Variants in MTFR1 observed in about 807,000 individuals in gnomAD.
MTFR1 encodes mitochondrial fission regulator 1, also known as chondrocyte protein with a poly-proline region.
MTFR1 carries 28 observed loss-of-function variants against 38.8 expected under a neutral mutation model. The ratio of observed to expected loss-of-function variants is 0.72; its 90% CI spans 0.53 to 0.99. The LOEUF (loss-of-function observed/expected upper bound fraction) is 0.99. Ranked by LOEUF, MTFR1 falls within the 50% of genes least tolerant of loss-of-function variation. The pLI is 0.00. For synonymous variants in MTFR1, 145 were observed against 137.0 expected, an observed-to-expected ratio of 1.06 and a Z score of -0.41; for missense variants, 358 against 395.5, an observed-to-expected ratio of 0.91 and a Z score of 0.81.
intron 3 of MTFR1, among the ~76,000 whole-genome samples, chr8:65,743,119 A>G (rs1359196477): frequency 1.3e-5 from 2 of 151,798 alleles, no homozygotes; most frequent in Non-Finnish European, 2.9e-5. Context: ...ATAATAGGCT[A>G]TGAGCTGTGA....
At chr8:65,682,134 T>C (rs1322740334) in intron 2 of MTFR1, 2 of 225,934 alleles carry the variant, frequency 8.9e-6, no homozygotes, top group African/African-American at 4.6e-5. Context: ...TATAATACTT[T>C]ACATTAAACT....
rs1375987751 is a variant in MTFR1 at position 65,668,291 on chromosome 8, C to T, written c.-80-1582C>T. ...CTCCCGGGATCAAGTGATTTTCCTG[C>T]CTCAGCCTCCTGAGTAGCTGGGATT... On this transcript the variant is annotated intron_variant, in intron 1 of 7. Transcript: ENST00000262146. 3.3e-5 allele frequency among the ~76,000 whole-genome samples: 5 copies of T among 150,592 alleles called. No individual in the cohort carries two copies. In the Admixed American group the frequency reaches 3.3e-4, roughly 10 times the overall value.
At chr8:65,743,573 C>G (rs1175100069) in intron 3 of MTFR1, among the ~76,000 whole-genome samples, 3 of 152,144 alleles carry the variant, frequency 2.0e-5, no homozygotes, top group Non-Finnish European at 2.9e-5. Context: ...AAGGTATAGA[C>G]AAAGGTATTT....
intron 1 of MTFR1, among the ~76,000 whole-genome samples, chr8:65,647,109 A>G (rs891564297): frequency 1.3e-5 from 2 of 152,178 alleles, no homozygotes; most frequent in Admixed American, 6.5e-5. Context: ...ATCTTACAGG[A>G]AGATAGATAC....
Position 65,707,052 on chromosome 8 carries a change from C to G in MTFR1, c.560C>G (p.Pro187Arg), listed in dbSNP as rs1805800219. 1 of 1,611,232 alleles carries G rather than the reference C, an allele frequency of 6.2e-7. No individual in the cohort carries two copies. The highest frequency in any genetic ancestry group is 8.5e-7 in the Non-Finnish European group (1 of 1,178,172). Reference protein sequence around the residue: ...STTFGTIPPHPPPPPPPLPPP... With the variant: ...STTFGTIPPHRPPPPPPLPPP... ...ACATTTGGTACCATACCACCACACCCTCCACCTCCCCCACCGCCCCTGCCT... is the reference window on the plus strand; with the variant it reads ...ACATTTGGTACCATACCACCACACCGTCCACCTCCCCCACCGCCCCTGCCT... The change falls in exon 6 of 8, where the codon CCT (proline) becomes CGT (arginine). Residue 187 changes from proline to arginine, a missense_variant. By Grantham distance (103) the Pro-to-Arg change is moderately radical. Transcript: ENST00000262146.
intron 3 of MTFR1, among the ~76,000 whole-genome samples, chr8:65,761,970 C>T (rs1054882851): frequency 6.6e-6 from 1 of 152,186 alleles, no homozygotes; most frequent in African/African-American, 2.4e-5. Flanking sequence ...AGGCCTTTAA[C>T]AGAAAAGCCT....
chr8:65,704,187 GT>G (rs1303435899), intron 4 of MTFR1, among the ~76,000 whole-genome samples: 1 of 152,106 alleles, frequency 6.6e-6, no homozygotes, highest in Non-Finnish European at 1.5e-5. Context: ...TAATTAAATT[GT>G]TTTGTCAAAG....
intron 3 of MTFR1, among the ~76,000 whole-genome samples, chr8:65,690,599 CTT>C (rs914005159): frequency 6.6e-6 from 1 of 152,108 alleles, no homozygotes; most frequent in Non-Finnish European, 1.5e-5. Flanking sequence ...CCTCCCCACA[CTT>C]TGTTTCCTTT....
chr8:65,747,226 A>T (rs1306976159), intron 3 of MTFR1, among the ~76,000 whole-genome samples: 7 of 152,152 alleles, frequency 4.6e-5, no homozygotes, highest in Non-Finnish European at 1.0e-4. Flanking sequence ...GAGAGACCTA[A>T]CTTTCTGTGC....
At chr8:65,707,594 C>CT (rs1805822683) in intron 6 of MTFR1, among the ~76,000 whole-genome samples, 1 of 152,210 alleles carries the variant, frequency 6.6e-6, no homozygotes. Flanking sequence ...ACAGGGAACT[C>CT]TATTTGCCCT....
chr8:65,680,899 C>CTTTTT (rs1199113408), intron 2 of MTFR1, among the ~76,000 whole-genome samples: 30 of 93,624 alleles, frequency 3.2e-4, no homozygotes, highest in Non-Finnish European at 3.8e-4. Context: ...AAGCAGTTCT[C>CTTTTT]TTTTTTTTTT....
chr8:65,677,768 A>G (rs897088851), intron 2 of MTFR1, among the ~76,000 whole-genome samples: 3 of 151,748 alleles, frequency 2.0e-5, no homozygotes, highest in Admixed American at 2.0e-4. Context: ...CTGTAATCCC[A>G]GCACTTTGGG....
intron 1 of MTFR1, among the ~76,000 whole-genome samples, chr8:65,664,357 A>G (rs867131127): frequency 1.1e-4 from 16 of 152,336 alleles, no homozygotes; most frequent in Middle Eastern, 3.4e-3. Flanking sequence ...TTTGTAAACA[A>G]CATGAATGAA....
At chr8:65,719,058 C>T in intron 2 of MTFR1, 1 of 551,940 alleles carries the variant, frequency 1.8e-6, no homozygotes. Flanking sequence ...CTGGGCTTTG[C>T]ATATTCAAGG....
chr8:65,765,610 A>T (rs1808742520), intron 3 of MTFR1: 1 of 151,998 alleles, frequency 6.6e-6, no homozygotes, highest in Admixed American at 6.6e-5. Context: ...TTGTGTTGAC[A>T]TGAGAAACAC....
chr8:65,669,093 T>TTTTTGGTGG (rs1804483737), intron 1 of MTFR1, among the ~76,000 whole-genome samples: 2 of 152,228 alleles, frequency 1.3e-5, no homozygotes, highest in Admixed American at 1.3e-4. Context: ...TCCTTTATGA[T>TTTTTGGTGG]TTTTGGTGGG....
At chr8:65,674,380 G>A (rs1245328079) in intron 2 of MTFR1, among the ~76,000 whole-genome samples, 2 of 151,716 alleles carry the variant, frequency 1.3e-5, no homozygotes, top group Non-Finnish European at 2.9e-5. Flanking sequence ...GGGAGGCTAA[G>A]GTGGGAGGAT....
chr8:65,757,852 C>T (rs752642995), intron 3 of MTFR1, among the ~76,000 whole-genome samples: 2 of 152,152 alleles, frequency 1.3e-5, no homozygotes, highest in Non-Finnish European at 2.9e-5. Flanking sequence ...CTCCTGACCT[C>T]GTGATCCGAC....
At chr8:65,676,118 G>C (rs1804700823) in intron 2 of MTFR1, among the ~76,000 whole-genome samples, 1 of 152,126 alleles carries the variant, frequency 6.6e-6, no homozygotes, top group African/African-American at 2.4e-5. Flanking sequence ...AATTGTTACA[G>C]AATTTCATCT....
Sources: gnomAD v4.1 joint callset for allele counts (sites outside exome capture counted in the v4.1 genomes callset) on GRCh38, gnomAD v4.1.1 for gene constraint, MANE v1.5 for transcripts, NCBI Gene and HGNC (gene_info 2026-07-23, HGNC 2026-07-21) for gene names.